UPRT: variants seen among roughly 807,000 people sequenced by gnomAD.
The protein encoded by UPRT is RP11-311P8.3.
A neutral mutation model predicts 22.6 loss-of-function variants in UPRT; 5 were observed. The observed-to-expected ratio is 0.22, with a 90% CI of 0.12 to 0.47. UPRT has a LOEUF of 0.47. Ranked by LOEUF, UPRT falls within the 20% of genes least tolerant of loss-of-function variation. UPRT has a pLI of 0.99. For missense variants in UPRT, 181 were observed against 239.9 expected (o/e 0.75, Z 1.62); for synonymous variants, 77 against 87.7 (o/e 0.88, Z 0.68).
Position 75,300,906 on chromosome X carries a change from T to C in UPRT, c.764T>C (p.Ile255Thr), listed in dbSNP as rs2082742012. 2 of 1,210,252 alleles carry C rather than the reference T, an allele frequency of 1.7e-6. No homozygotes were observed. The highest frequency in any genetic ancestry group is 2.2e-6 in the Non-Finnish European group (2 of 894,637). ...GTAATTGAAGCTGTAAAGGTTCTTA[T>C]AGAACATGGAGTTCAACCCAGTGTT... ...NTVIEAVKVLIEHGVQPSVII... is the reference protein window; with the variant it reads ...NTVIEAVKVLTEHGVQPSVII... The change falls in exon 6 of 7, where the codon ATA (isoleucine) becomes ACA (threonine). Residue 255 changes from isoleucine (I) to threonine (T), a missense_variant. Coordinates refer to ENST00000373383, the MANE Select transcript of UPRT (RefSeq NM_145052.4).
At chrX:75,185,215 G>C (rs1445918669) in intron 4 of UPRT, among the ~76,000 whole-genome samples, 1 of 111,895 alleles carries the variant, frequency 8.9e-6, no homozygotes, top group African/African-American at 3.3e-5. Context: ...AATTTATTGA[G>C]AGTTTTTAGC....
chrX:75,284,227 T>C (rs2082670545), intron 1 of UPRT, among the ~76,000 whole-genome samples: 1 of 111,800 alleles, frequency 8.9e-6, no homozygotes, highest in Non-Finnish European at 1.9e-5. Flanking sequence ...TTTCCTTGCA[T>C]TGGGCTTTGC....
In UPRT at chrX:75,303,492, A is replaced by G; in HGVS notation, c.911A>G (p.Lys304Arg). Residue 304 changes from lysine to arginine, a missense_variant, in exon 7 of 7, where the codon AAA becomes AGA. Transcript: ENST00000373383. ...HPVAPTHFGQ[K>R]YFGTD ...GTTGCACCTACACATTTTGGACAGA[A>G]ATACTTTGGAACAGACTAAGTTATT... The G allele has an allele frequency of 1.7e-6, 2 of 1,190,112 alleles. No individual in the cohort carries two copies. The highest frequency in any genetic ancestry group is 2.3e-6 in the Non-Finnish European group (2 of 880,610).
intron 4 of UPRT, among the ~76,000 whole-genome samples, chrX:75,218,839 G>A (rs950696173): frequency 4.1e-4 from 45 of 109,248 alleles, no homozygotes; most frequent in African/African-American, 1.5e-3. Flanking sequence ...ATTGAACAAT[G>A]AGAACACATG....
intron 4 of UPRT, among the ~76,000 whole-genome samples, chrX:75,252,767 CA>C: frequency 8.9e-6 from 1 of 112,062 alleles, no homozygotes; most frequent in Middle Eastern, 4.6e-3. Flanking sequence ...GCACTATTCA[CA>C]ATAGCAAAGA....
At position 75,294,620 on chromosome X, in the gene UPRT, C is replaced by T. The variant is rs775596480; in HGVS notation, c.429+1106C>T. ...AGACAACTCCTGTTCTGCTTTTCATCGTAAGTATTCTTGGTTCAGAGACCA... is the reference window on the plus strand; with the variant it reads ...AGACAACTCCTGTTCTGCTTTTCATTGTAAGTATTCTTGGTTCAGAGACCA... On this transcript the variant is annotated intron_variant, in intron 2 of 6. Transcript: ENST00000373383. 21 of 977,272 alleles carry T rather than the reference C, an allele frequency of 2.1e-5. No individual in the cohort carries two copies. In the East Asian group the frequency reaches 8.0e-4, roughly 37 times the overall value. 80.5% of individuals were successfully genotyped at this position (977,272 alleles called of 1,213,427 possible).
chrX:75,267,640 C>G (rs2082594619), intron 4 of UPRT, among the ~76,000 whole-genome samples: 1 of 112,056 alleles, frequency 8.9e-6, no homozygotes, highest in Non-Finnish European at 1.9e-5. Flanking sequence ...GGAAACTGAA[C>G]AACCTCCTCC....
chrX:75,282,827 G>C (rs1292965667), intron 1 of UPRT, among the ~76,000 whole-genome samples: 2 of 111,560 alleles, frequency 1.8e-5, no homozygotes, highest in Non-Finnish European at 3.8e-5. Context: ...TTGTTTCTTT[G>C]TTGACCTTCT....
intron 1 of UPRT, among the ~76,000 whole-genome samples, chrX:75,281,890 A>G (rs1201307404): frequency 9.2e-6 from 1 of 109,118 alleles, no homozygotes; most frequent in African/African-American, 3.3e-5. Flanking sequence ...AATCTATCTG[A>G]TCCTGGACTT....
chrX:75,259,578 C>T (rs1421097282), intron 4 of UPRT, among the ~76,000 whole-genome samples: 2 of 109,334 alleles, frequency 1.8e-5, no homozygotes, highest in Non-Finnish European at 3.8e-5. Flanking sequence ...TGAAAAGGAA[C>T]AAACAAAGCC....
At chrX:75,214,395 C>A (rs965834774) in intron 4 of UPRT, among the ~76,000 whole-genome samples, 1 of 112,516 alleles carries the variant, frequency 8.9e-6, no homozygotes, top group African/African-American at 3.2e-5. Context: ...GTGAAATTAG[C>A]CAAACACACA....
At chrX:75,244,906 A>T (rs1420499186) in intron 4 of UPRT, among the ~76,000 whole-genome samples, 1 of 111,757 alleles carries the variant, frequency 8.9e-6, no homozygotes, top group Non-Finnish European at 1.9e-5. Context: ...AATTTCAATA[A>T]ACACAAAAAT....
At chrX:75,219,395 A>G (rs1214010192) in intron 4 of UPRT, among the ~76,000 whole-genome samples, 1 of 112,369 alleles carries the variant, frequency 8.9e-6, no homozygotes, top group African/African-American at 3.2e-5. Flanking sequence ...TTTTTCTGCA[A>G]GGATCTTGAT....
chrX:75,184,038 T>C (rs10126390), intron 4 of UPRT, among the ~76,000 whole-genome samples: 3,192 of 112,215 alleles, frequency 0.028, 113 homozygotes, highest in African/African-American at 0.099. Context: ...CTAGATCCCA[T>C]TTGTCAATTT....
At chrX:75,272,310 G>GTATATATATATATACACATATATA (rs1569279411), upstream of UPRT, among the ~76,000 whole-genome samples, 2 of 88,441 alleles carry the variant, frequency 2.3e-5, no homozygotes, top group African/African-American at 4.5e-5. Context: ...GTATATATAT[G>GTATATATATATATACACATATATA]TGTATATATA....
At chrX:75,294,878 A>T (rs1268879098) in intron 2 of UPRT, among the ~76,000 whole-genome samples, 2 of 111,482 alleles carry the variant, frequency 1.8e-5, no homozygotes, top group Non-Finnish European at 3.8e-5. Context: ...TTTTCTATAG[A>T]AAGTAGGAGT....
At chrX:75,179,998 A>G (rs1162666880) in intron 4 of UPRT, among the ~76,000 whole-genome samples, 1 of 112,438 alleles carries the variant, frequency 8.9e-6, no homozygotes, top group African/African-American at 3.2e-5. Flanking sequence ...GGCTCCTCAA[A>G]TGCCGCCAAA....
At chrX:75,196,012 T>A (rs76755328) in intron 4 of UPRT, among the ~76,000 whole-genome samples, 3,224 of 112,054 alleles carry the variant, frequency 0.029, 117 homozygotes, top group African/African-American at 0.1. Flanking sequence ...TGCAATTCCA[T>A]GTATATTTTA....
chrX:75,221,894 T>G (rs1285580076), intron 4 of UPRT, among the ~76,000 whole-genome samples: 1 of 111,814 alleles, frequency 8.9e-6, no homozygotes, highest in African/African-American at 3.2e-5. Flanking sequence ...ATGAACAGTT[T>G]CTGGACACTG....
Sources: gnomAD v4.1 joint callset for allele counts (sites outside exome capture counted in the v4.1 genomes callset) on GRCh38, gnomAD v4.1.1 for gene constraint, MANE v1.5 for transcripts, NCBI Gene and HGNC (gene_info 2026-07-23, HGNC 2026-07-21) for gene names.